Variants in SCN9A observed in about 807,000 individuals in gnomAD.
The protein encoded by SCN9A is sodium channel protein type 9 subunit alpha.
SCN9A carries 131 observed loss-of-function variants against 187.0 expected under a neutral mutation model. The observed-to-expected ratio is 0.70, with a 90% CI of 0.61 to 0.81. SCN9A has a LOEUF of 0.81. Among genes scored for constraint, SCN9A ranks in the 30% least tolerant of loss-of-function variants. The pLI is 0.00. For missense variants in SCN9A, 2,252 were observed against 2,396.6 expected (o/e 0.94, Z 1.26); for synonymous variants, 809 against 808.6 (o/e 1.00, Z -0.01).
At chr2:166,241,443 C>T (rs1010430270) in intron 19 of SCN9A, among the ~76,000 whole-genome samples, 3 of 152,138 alleles carry the variant, frequency 2.0e-5, no homozygotes, top group East Asian at 1.9e-4. Flanking sequence ...CTTTTTATAA[C>T]ACACAAGATG....
chr2:166,200,753 A>G lies in SCN9A; in HGVS notation c.4775-889T>C, dbSNP rs935100052. Among the ~76,000 whole-genome samples, 5 of 152,258 alleles carry G rather than the reference A, an allele frequency of 3.3e-5. No individual in the cohort carries two copies. The East Asian group carries it at 7.7e-4, about 24-fold the overall frequency. On this transcript the variant is annotated intron_variant, in intron 26 of 26. Coordinates refer to ENST00000642356, the MANE Select transcript of SCN9A (RefSeq NM_001365536.1). ...CGGGATCAAATGATTCTCCAGCCTCAGCCTCCAGAGTAGCTGGGACTACAG... is the reference window on the plus strand; with the variant it reads ...CGGGATCAAATGATTCTCCAGCCTCGGCCTCCAGAGTAGCTGGGACTACAG...
chr2:166,281,027 C>A (rs947849068), intron 13 of SCN9A, among the ~76,000 whole-genome samples: 1 of 152,136 alleles, frequency 6.6e-6, no homozygotes, highest in African/African-American at 2.4e-5. Flanking sequence ...CAGGTGAAAA[C>A]AATCCTAGAA....
At chr2:166,374,073 G>T (rs905247843) in intron 1 of SCN9A, among the ~76,000 whole-genome samples, 1 of 152,120 alleles carries the variant, frequency 6.6e-6, no homozygotes, top group Non-Finnish European at 1.5e-5. Context: ...CCACAGAAGG[G>T]CTCCCATGAT....
rs2106460417 is a variant in SCN9A at position 166,272,524 on chromosome 2, C to T, written c.3226G>A (p.Gly1076Ser). 1.9e-6 allele frequency: 3 copies of T among 1,613,324 alleles called. No individual in the cohort carries two copies. The highest frequency in any genetic ancestry group is 2.2e-5 in the East Asian group (1 of 44,790). Residue 1076 changes from glycine to serine, a missense_variant, in exon 17 of 27, where the codon GGT (glycine) becomes AGT (serine). Coordinates refer to ENST00000642356, the MANE Select transcript of SCN9A (RefSeq NM_001365536.1). ...VDKHLMEDSD[G>S]QSFIHNPSLT... Reference sequence around the variant, plus strand: ...CTGGGATTGTGAATAAATGATTGACCATCACTGTCTTCCATCAAGTGTTTG... The same window carrying T: ...CTGGGATTGTGAATAAATGATTGACTATCACTGTCTTCCATCAAGTGTTTG...
intron 17 of SCN9A, among the ~76,000 whole-genome samples, chr2:166,265,529 G>A (rs909140737): frequency 1.3e-5 from 2 of 151,966 alleles, no homozygotes; most frequent in Non-Finnish European, 2.9e-5. Context: ...AGTATTCTAT[G>A]TTTACTGTAT....
At chr2:166,269,957 A>G in intron 17 of SCN9A, among the ~76,000 whole-genome samples, 1 of 152,032 alleles carries the variant, frequency 6.6e-6, no homozygotes, top group East Asian at 1.9e-4. Context: ...GTTAGTTAGA[A>G]AAAAATAGGT....
chr2:166,256,164 T>A (rs1049001045), intron 17 of SCN9A, among the ~76,000 whole-genome samples: 1 of 151,390 alleles, frequency 6.6e-6, no homozygotes, highest in South Asian at 2.1e-4. Context: ...CTTGCAATCA[T>A]TCAGGGCCTT....
chr2:166,364,957 G>A (rs1374745029), intron 1 of SCN9A, among the ~76,000 whole-genome samples: 1 of 152,046 alleles, frequency 6.6e-6, no homozygotes, highest in Non-Finnish European at 1.5e-5. Flanking sequence ...GACAACATGC[G>A]GTGTCTCCTT....
chr2:166,235,844 T>G (rs1695294683), intron 20 of SCN9A, among the ~76,000 whole-genome samples: 1 of 151,712 alleles, frequency 6.6e-6, no homozygotes. Flanking sequence ...CCCTGATTTC[T>G]GCACATTACA....
At chr2:166,333,877 G>T (rs1161611200) in intron 1 of SCN9A, among the ~76,000 whole-genome samples, 1 of 151,918 alleles carries the variant, frequency 6.6e-6, no homozygotes. Context: ...CTGTCCCTAA[G>T]TTGTGTTGTT....
intron 3 of SCN9A, 26 bp downstream of exon 3, chr2:166,306,930 G>A (rs766071038): frequency 1.5e-6 from 2 of 1,312,404 alleles, no homozygotes; most frequent in Admixed American, 3.6e-5. Flanking sequence ...AAGTGCCACT[G>A]GATGTAATCA....
intron 1 of SCN9A, among the ~76,000 whole-genome samples, chr2:166,355,042 T>C (rs770570377): frequency 1.8e-4 from 28 of 151,934 alleles, no homozygotes; most frequent in Non-Finnish European, 3.4e-4. Flanking sequence ...GGCTCAAGTG[T>C]TCTTCCCACC....
At chr2:166,254,733 A>T (rs1382044661) in intron 17 of SCN9A, among the ~76,000 whole-genome samples, 2 of 151,494 alleles carry the variant, frequency 1.3e-5, no homozygotes, top group East Asian at 3.9e-4. Context: ...CTTTAGTATG[A>T]AAGAAATTTC....
Position 166,204,018 on chromosome 2 carries a change from G to A in SCN9A, c.4711C>T (p.His1571Tyr). ...TTCCATCCTACAGTGAAGTAGTAGT[G>A]TCTGAGGGAGATCAGTTTTAGCACA... ...ECVLKLISLR[H>Y]YYFTVGWNIF... Residue 1571 changes from histidine to tyrosine, a missense_variant, in exon 26 of 27, where the codon CAC becomes TAC. This residue lies in a region of SCN9A where 368 missense variants were observed against 408.6 expected (regional missense o/e 0.90). Transcript: ENST00000642356. 6.2e-7 allele frequency: 1 copy of A among 1,606,078 alleles called. No individual in the cohort carries two copies. Among genetic ancestry groups the A allele is most frequent in the South Asian group, 1.1e-5 (1 of 90,856 alleles).
In SCN9A at chr2:166,284,645, G is replaced by C; in HGVS notation, c.1782C>G (p.Pro594=). ...RRGSLFVPHR[P]QERRSSNISQ... is the part of the protein sequence containing the mutation. ...TGATGTTACTGCTGCGTCGCTCCTG[G>C]GGTCTGTGGGGCACAAACAGTGAGC... Residue 594 remains proline, a synonymous_variant, in exon 12 of 27, where the codon CCC becomes CCG. Coordinates refer to ENST00000642356, the MANE Select transcript of SCN9A (RefSeq NM_001365536.1). The C allele has an allele frequency of 6.2e-7, 1 of 1,613,960 alleles. No homozygotes were observed. The highest frequency in any genetic ancestry group is 2.2e-5 in the East Asian group (1 of 44,878).
At chr2:166,304,142 A>G in intron 6 of SCN9A, 96 bp downstream of exon 6, 1 of 1,612,970 alleles carries the variant, frequency 6.2e-7, no homozygotes. Context: ...GGGAGTTTAT[A>G]CACACAGTGA....
At chr2:166,250,584 C>A (rs1004685754) in intron 18 of SCN9A, among the ~76,000 whole-genome samples, 4 of 152,046 alleles carry the variant, frequency 2.6e-5, no homozygotes, top group Admixed American at 2.0e-4. Flanking sequence ...TACATTGCAG[C>A]CCTACTCTGG....
chr2:166,342,674 T>C (rs1257849073), intron 1 of SCN9A, among the ~76,000 whole-genome samples: 1 of 152,172 alleles, frequency 6.6e-6, no homozygotes, highest in Non-Finnish European at 1.5e-5. Flanking sequence ...TTATAAACAA[T>C]CTACACATGC....
chr2:166,271,132 C>T (rs988649832), intron 17 of SCN9A, among the ~76,000 whole-genome samples: 1 of 151,850 alleles, frequency 6.6e-6, no homozygotes, highest in Non-Finnish European at 1.5e-5. Context: ...TTGATGCATA[C>T]CATAATTTCT....
Sources: allele counts gnomAD v4.1 joint callset (sites outside exome capture counted in the v4.1 genomes callset), GRCh38; gene constraint gnomAD v4.1.1; regional missense constraint gnomAD v4.1.1; transcripts MANE v1.5; gene names NCBI Gene and HGNC (gene_info 2026-07-23, HGNC 2026-07-21).